The following HSD17B12 variants were observed in gnomAD, a reference collection of about 807,000 sequenced individuals.
The protein encoded by HSD17B12 is very-long-chain 3-oxoacyl-CoA reductase.
Under a neutral mutation model 39.3 loss-of-function variants are expected in HSD17B12, and 32 were observed. The ratio of observed to expected loss-of-function variants is 0.81; its 90% CI spans 0.61 to 1.09. The LOEUF (loss-of-function observed/expected upper bound fraction) is 1.09. Ranked by LOEUF, HSD17B12 falls within the 50% of genes least tolerant of loss-of-function variation. The pLI is 0.00. For missense variants in HSD17B12, 342 were observed against 382.9 expected, an observed-to-expected ratio of 0.89 and a Z score of 0.89; for synonymous variants, 150 against 146.7, an observed-to-expected ratio of 1.02 and a Z score of -0.16.
chr11:43,645,215 A>G, the HSD17B12 span: 1 of 152,200 alleles, frequency 6.6e-6, no homozygotes, highest in South Asian at 2.1e-4. Context: ...TCAGGATAAC[A>G]CTAGATAGCC....
chr11:43,689,697 C>T (rs1949834249), intron 1 of HSD17B12, among the ~76,000 whole-genome samples: 1 of 152,058 alleles, frequency 6.6e-6, no homozygotes, highest in South Asian at 2.1e-4. Context: ...CAGGCGAGTG[C>T]CACCACACCC....
At chr11:43,738,758 C>T (rs535087180) in intron 1 of HSD17B12, among the ~76,000 whole-genome samples, 16 of 152,264 alleles carry the variant, frequency 1.1e-4, no homozygotes, top group African/African-American at 3.8e-4. Context: ...CCTGCTCTTA[C>T]AGAATCCTGT....
At chr11:43,721,371 C>A (rs563300520) in intron 1 of HSD17B12, among the ~76,000 whole-genome samples, 185 of 152,180 alleles carry the variant, frequency 1.2e-3, no homozygotes, top group Non-Finnish European at 2.3e-3. Context: ...GTAATCTCAG[C>A]ACGTTTGGAG....
intron 1 of HSD17B12, among the ~76,000 whole-genome samples, chr11:43,739,266 T>C (rs1004541219): frequency 6.6e-6 from 1 of 152,136 alleles, no homozygotes; most frequent in Admixed American, 6.5e-5. Context: ...GAGAATTCTG[T>C]ATGAGGTTCT....
At chr11:43,750,196 C>G (rs1240976676) in intron 1 of HSD17B12, among the ~76,000 whole-genome samples, 1 of 151,892 alleles carries the variant, frequency 6.6e-6, no homozygotes, top group African/African-American at 2.4e-5. Context: ...AGAATATTTC[C>G]TGTATCCTGG....
the HSD17B12 span, among the ~76,000 whole-genome samples, chr11:43,610,719 CTT>C: frequency 2.6e-5 from 4 of 152,140 alleles, no homozygotes; most frequent in Non-Finnish European, 5.9e-5. Context: ...CAGGGGAAGT[CTT>C]TTGTTCTTGG....
chr11:43,607,753 A>G, the HSD17B12 span, among the ~76,000 whole-genome samples: 1 of 152,222 alleles, frequency 6.6e-6, no homozygotes, highest in Non-Finnish European at 1.5e-5. Flanking sequence ...TTTCTTTTAT[A>G]AATTATTCTA....
intron 1 of HSD17B12, among the ~76,000 whole-genome samples, chr11:43,715,279 A>G (rs946480690): frequency 2.0e-5 from 3 of 152,052 alleles, no homozygotes; most frequent in Non-Finnish European, 2.9e-5. Flanking sequence ...AATAGCTCTT[A>G]TTATTTTGAG....
chr11:43,841,155 T>C (rs1951422170), intron 9 of HSD17B12, among the ~76,000 whole-genome samples: 1 of 152,184 alleles, frequency 6.6e-6, no homozygotes, highest in African/African-American at 2.4e-5. Flanking sequence ...TTCATGAGTT[T>C]ATTTGGTCAT....
chr11:43,699,957 C>T (rs1421584873), intron 1 of HSD17B12, among the ~76,000 whole-genome samples: 1 of 152,264 alleles, frequency 6.6e-6, no homozygotes, highest in East Asian at 1.9e-4. Context: ...ATCTACAGGA[C>T]ATTATCAAGC....
chr11:43,847,556 C>T (rs1951488460), intron 9 of HSD17B12, among the ~76,000 whole-genome samples: 1 of 151,500 alleles, frequency 6.6e-6, no homozygotes. Context: ...AATAGAAATA[C>T]ATTAGCTGGG....
chr11:43,793,982 C>T (rs1189558307), intron 3 of HSD17B12, among the ~76,000 whole-genome samples: 1 of 152,216 alleles, frequency 6.6e-6, no homozygotes, highest in Non-Finnish European at 1.5e-5. Context: ...TCATTCTCCA[C>T]TTTTTATGCC....
chr11:43,624,746 C>T, the HSD17B12 span, among the ~76,000 whole-genome samples: 5 of 151,686 alleles, frequency 3.3e-5, no homozygotes, highest in Admixed American at 2.0e-4. Context: ...TAAATATTCA[C>T]ATAAAACTAA....
At chr11:43,629,457 C>T in the HSD17B12 span, among the ~76,000 whole-genome samples, 4 of 152,082 alleles carry the variant, frequency 2.6e-5, no homozygotes, top group Non-Finnish European at 4.4e-5. Context: ...TTGATTTTTC[C>T]CTGCTTCTAA....
chr11:43,619,288 A>G, the HSD17B12 span, among the ~76,000 whole-genome samples: 2 of 139,146 alleles, frequency 1.4e-5, no homozygotes, highest in Non-Finnish European at 3.1e-5. Context: ...ATCCATATAT[A>G]TATATAATCC....
At chr11:43,788,045 A>T (rs577789046) in intron 3 of HSD17B12, among the ~76,000 whole-genome samples, 173 of 152,352 alleles carry the variant, frequency 1.1e-3, no homozygotes, top group African/African-American at 4.0e-3. Context: ...AAATAAAGGT[A>T]CTGTGTGATA....
the HSD17B12 span, among the ~76,000 whole-genome samples, chr11:43,584,928 A>G: frequency 1.3e-5 from 2 of 152,204 alleles, no homozygotes; most frequent in African/African-American, 4.8e-5. Context: ...CCTAAGCAGG[A>G]CTTGGGCCTG....
At chr11:43,713,074 T>C (rs1179561664) in intron 1 of HSD17B12, among the ~76,000 whole-genome samples, 1 of 152,196 alleles carries the variant, frequency 6.6e-6, no homozygotes, top group African/African-American at 2.4e-5. Flanking sequence ...CAGAACTTTT[T>C]ATGATAATGG....
Position 43,733,881 on chromosome 11 carries a change from A to G in HSD17B12, c.161-17030A>G, listed in dbSNP as rs548060597. 3.8e-5 allele frequency: 26 copies of G among 681,402 alleles called. No individual in the cohort carries two copies. In the East Asian group the frequency reaches 7.3e-4, roughly 19 times the overall value. The allele number at this position is 681,402 out of a possible 1,614,324, so 42.2% of individuals were successfully genotyped here. A position where few individuals can be genotyped will look rare whatever the true frequency, so the allele number is the denominator to read the frequency against. On this transcript the variant is annotated intron_variant, in intron 1 of 10. Coordinates refer to ENST00000278353, the MANE Select transcript of HSD17B12 (RefSeq NM_016142.3). ...GGCACAGAGCTGCGATCTTTGACCA[A>G]TTCCATGGAGTACAGGACATTGTAG... is the stretch of plus-strand genomic sequence containing the variant.
Sources: gnomAD v4.1 joint callset for allele counts (sites outside exome capture counted in the v4.1 genomes callset) on GRCh38, gnomAD v4.1.1 for gene constraint, MANE v1.5 for transcripts, NCBI Gene and HGNC (gene_info 2026-07-23, HGNC 2026-07-21) for gene names.